Variants in RBL1 observed in about 807,000 individuals in gnomAD.
The protein encoded by RBL1 is retinoblastoma-like protein 1.
RBL1 carries 82 observed loss-of-function variants against 123.0 expected under a neutral mutation model. The ratio of observed to expected loss-of-function variants is 0.67; its 90% confidence interval spans 0.56 to 0.80. The LOEUF is 0.80. Ranked by LOEUF, RBL1 falls within the 30% of genes least tolerant of loss-of-function variation. RBL1 has a pLI of 0.00. For missense variants in RBL1, 1,171 were observed against 1,299.6 expected (o/e 0.90, Z 1.52); for synonymous variants, 405 against 441.3 (o/e 0.92, Z 1.03).
intron 2 of RBL1, among the ~76,000 whole-genome samples, chr20:37,087,805 C>T (rs1408451441): frequency 6.6e-6 from 1 of 152,092 alleles, no homozygotes; most frequent in Non-Finnish European, 1.5e-5. Context: ...AATCAACTAA[C>T]AAAACTAGAA....
At chr20:37,062,899 A>T (rs1358331106) in intron 7 of RBL1, among the ~76,000 whole-genome samples, 1 of 148,822 alleles carries the variant, frequency 6.7e-6, no homozygotes, top group Non-Finnish European at 1.5e-5. Context: ...GAAGAATGGC[A>T]TGAACCTGGG....
chr20:37,031,905 CTT>C lies in RBL1; in HGVS notation c.2382+758_2382+759del, dbSNP rs763127111. ...AGGCATCTGCCACCATACCTGGCTG[CTT>C]TTTTTTTTTTTTTTTTTTAAAATAG... is the stretch of plus-strand genomic sequence containing the variant. On this transcript the variant is annotated intron_variant, in intron 16 of 21. Coordinates refer to ENST00000373664, the MANE Select transcript of RBL1 (RefSeq NM_002895.5). Among the ~76,000 whole-genome samples, 466 of 129,912 alleles carry C rather than the reference CTT, an allele frequency of 3.6e-3. 1 individual carries two copies. The highest frequency in any genetic ancestry group is 9.6e-3 in the African/African-American group (341 of 35,390). The allele number at this position is 129,912 out of a possible 152,430, so 85.2% of individuals were successfully genotyped here.
intron 16 of RBL1, among the ~76,000 whole-genome samples, chr20:37,025,526 GAAA>G (rs201218564): frequency 7.1e-6 from 1 of 140,710 alleles, no homozygotes; most frequent in Non-Finnish European, 1.6e-5. Flanking sequence ...TCTCCAAAAA[GAAA>G]AAAAAAAACA....
rs904399731 is a variant in RBL1, at chr20:37,058,120, A to G, written c.1251-1862T>C. On this transcript the variant is annotated intron_variant, in intron 9 of 21. Coordinates refer to ENST00000373664, the MANE Select transcript of RBL1 (RefSeq NM_002895.5). ...AACAAGGGCGAAACTCTGTCTAAAA[A>G]AAAAAAAAACAAAACAAAACAAAAA... is the stretch of plus-strand genomic sequence containing the variant. Among the ~76,000 whole-genome samples, 38 of 146,746 alleles carry G rather than the reference A, an allele frequency of 2.6e-4. 1 individual carries two copies. The highest frequency in any genetic ancestry group is 7.0e-3 in the Middle Eastern group (2 of 286).
chr20:37,080,464 T>C (rs1256264632), intron 2 of RBL1, among the ~76,000 whole-genome samples: 10 of 145,868 alleles, frequency 6.9e-5, no homozygotes, highest in East Asian at 2.0e-4. Context: ...CTCTCTCTCT[T>C]TTTTTTTTTT....
chr20:37,012,718 C>T (rs1352635000), intron 19 of RBL1, among the ~76,000 whole-genome samples: 2 of 149,730 alleles, frequency 1.3e-5, no homozygotes, highest in East Asian at 2.0e-4. Context: ...CCAGGCCAGC[C>T]GCCCCGTCCG....
At chr20:37,051,334 C>G (rs933837596) in intron 11 of RBL1, among the ~76,000 whole-genome samples, 1 of 152,154 alleles carries the variant, frequency 6.6e-6, no homozygotes, top group Non-Finnish European at 1.5e-5. Flanking sequence ...GCATGTGCCA[C>G]TACACCTGGA....
At chr20:37,001,918 T>TAAAAAAAAAAA (rs757774894) in intron 21 of RBL1, among the ~76,000 whole-genome samples, 79 of 86,384 alleles carry the variant, frequency 9.1e-4, no homozygotes, top group South Asian at 1.4e-3. Context: ...TGCAGAACAA[T>TAAAAAAAAAAA]AAAAAAAAAA....
intron 19 of RBL1, among the ~76,000 whole-genome samples, chr20:37,016,527 T>C (rs2064256471): frequency 6.6e-6 from 1 of 152,214 alleles, no homozygotes; most frequent in Non-Finnish European, 1.5e-5. Flanking sequence ...TTTTTATAAT[T>C]TAAAAATTTG....
intron 2 of RBL1, among the ~76,000 whole-genome samples, chr20:37,069,322 C>G (rs558897604): frequency 4.6e-5 from 7 of 151,994 alleles, no homozygotes; most frequent in African/African-American, 1.7e-4. Context: ...TGAGGAGCCC[C>G]TCTGCCTGGC....
intron 16 of RBL1, among the ~76,000 whole-genome samples, chr20:37,023,265 G>A (rs1433371917): frequency 6.6e-6 from 1 of 152,040 alleles, no homozygotes; most frequent in Non-Finnish European, 1.5e-5. Flanking sequence ...GGGCTTACAG[G>A]TGCATGCCAC....
intron 7 of RBL1, among the ~76,000 whole-genome samples, chr20:37,064,341 T>C (rs2065144914): frequency 6.6e-6 from 1 of 151,798 alleles, no homozygotes; most frequent in Non-Finnish European, 1.5e-5. Flanking sequence ...TTTCACCATT[T>C]TGGCCAGGAT....
At chr20:37,069,235 A>G (rs2065237853) in intron 2 of RBL1, among the ~76,000 whole-genome samples, 1 of 152,226 alleles carries the variant, frequency 6.6e-6, no homozygotes, top group Admixed American at 6.5e-5. Context: ...AAGTGCCAAG[A>G]TTGCAGCCTC....
chr20:37,020,125 G>A lies in RBL1; in HGVS notation c.2631+534C>T, dbSNP rs555547736. 1.0e-4 allele frequency among the ~76,000 whole-genome samples: 14 copies of A among 136,808 alleles called. No homozygotes were observed. In the South Asian group the frequency reaches 3.2e-3, roughly 31 times the overall value. 89.8% of individuals were successfully genotyped at this position (136,808 alleles called of 152,430 possible). ...TTTTTTTGAGACAGAGTCTCGCTCTGTCGGCCAGGCTGGAGTGCAGTGGAA... is the reference window on the plus strand; with the variant it reads ...TTTTTTTGAGACAGAGTCTCGCTCTATCGGCCAGGCTGGAGTGCAGTGGAA... On this transcript the variant is annotated intron_variant, in intron 18 of 21. Transcript: ENST00000373664.
At chr20:37,001,053 C>A (rs1203503917) in intron 21 of RBL1, among the ~76,000 whole-genome samples, 1 of 144,714 alleles carries the variant, frequency 6.9e-6, no homozygotes, top group East Asian at 2.1e-4. Flanking sequence ...CCCGGCCAGC[C>A]GCCCCATCCG....
Position 36,997,965 on chromosome 20 carries a change from TG to T in RBL1, c.*793del, listed in dbSNP as rs1169065750. 1 of 151,958 alleles carries T rather than the reference TG, an allele frequency of 6.6e-6. No individual in the cohort carries two copies. The highest frequency in any genetic ancestry group is 1.5e-5 in the Non-Finnish European group (1 of 68,020). The allele number at this position is 151,958 out of a possible 1,614,324, so 9.4% of individuals were successfully genotyped here. ...TCTGAATGGCGGTGGTACCTGGATG[TG>T]GAATTACCACAGTGGGCCAGAGACA... On this transcript the variant is annotated 3_prime_UTR_variant, in exon 22 of 22. Coordinates refer to ENST00000373664, the MANE Select transcript of RBL1 (RefSeq NM_002895.5).
At chr20:37,058,035 G>C (rs1392989369) in intron 9 of RBL1, among the ~76,000 whole-genome samples, 2 of 150,434 alleles carry the variant, frequency 1.3e-5, no homozygotes, top group East Asian at 4.0e-4. Context: ...TGAGGCAGGA[G>C]AATCGATTGA....
intron 7 of RBL1, among the ~76,000 whole-genome samples, chr20:37,064,876 T>C (rs1185443109): frequency 6.6e-6 from 1 of 151,934 alleles, no homozygotes; most frequent in Non-Finnish European, 1.5e-5. Context: ...TCGGCCCGCC[T>C]TGGCCTCCCA....
At chr20:37,000,583 A>G (rs1385706700) in intron 21 of RBL1, among the ~76,000 whole-genome samples, 1 of 127,864 alleles carries the variant, frequency 7.8e-6, no homozygotes, top group African/African-American at 3.0e-5. Flanking sequence ...CGCCCCGTCC[A>G]GGAAGGATGT....
Sources: allele counts gnomAD v4.1 joint callset (sites outside exome capture counted in the v4.1 genomes callset), GRCh38; gene constraint gnomAD v4.1.1; transcripts MANE v1.5; gene names NCBI Gene and HGNC (gene_info 2026-07-23, HGNC 2026-07-21).